GLB1L3: variants seen among roughly 807,000 people sequenced by gnomAD.
GLB1L3 encodes beta-galactosidase-1-like protein 3.
In GLB1L3, 89 loss-of-function variants were observed where a neutral mutation model predicts 89.5. The ratio of observed to expected loss-of-function variants is 0.99; its 90% CI spans 0.84 to 1.19. The LOEUF (loss-of-function observed/expected upper bound fraction) is 1.19, where lower values mean the gene tolerates loss of function less well. Ranked by LOEUF, GLB1L3 falls within the 50% of genes most tolerant of loss-of-function variation. The probability of loss-of-function intolerance (pLI) is 0.00; values close to 1 mark genes in which losing one functional copy is unlikely to be tolerated. For missense variants in GLB1L3, 812 were observed against 813.3 expected, an observed-to-expected ratio of 1.00 and a Z score of 0.02; for synonymous variants, 314 against 312.3, an observed-to-expected ratio of 1.01 and a Z score of -0.06.
intron 6 of GLB1L3, 42 bp downstream of exon 6, chr11:134,283,887 T>G (rs1305325781): frequency 1.7e-6 from 2 of 1,167,214 alleles, no homozygotes; most frequent in Non-Finnish European, 2.6e-6. Context: ...ACGTGCCCTT[T>G]AGGGAAAGAG....
intron 18 of GLB1L3, among the ~76,000 whole-genome samples, chr11:134,316,203 T>C (rs1475222535): frequency 6.6e-6 from 1 of 151,648 alleles, no homozygotes; most frequent in Non-Finnish European, 1.5e-5. Flanking sequence ...ATGACTCCCA[T>C]ACCTTTTTTT....
chr11:134,308,568 C>CCACCAT (rs1565414545), intron 10 of GLB1L3, among the ~76,000 whole-genome samples: 2 of 138,486 alleles, frequency 1.4e-5, no homozygotes, highest in South Asian at 2.3e-4. Context: ...ACCACCACCA[C>CCACCAT]CACCATCACC....
chr11:134,278,710 A>C (rs1419917448), intron 3 of GLB1L3, among the ~76,000 whole-genome samples: 2 of 152,350 alleles, frequency 1.3e-5, no homozygotes, highest in South Asian at 4.1e-4. Flanking sequence ...AGATGCTTAG[A>C]GGGCCCTGTG....
chr11:134,305,430 C>T (rs1942157698), intron 9 of GLB1L3: 1 of 330,594 alleles, frequency 3.0e-6, no homozygotes. Context: ...TGCTTTTGCG[C>T]TTCTTCCTCC....
chr11:134,279,259 T>C (rs1414982790), intron 3 of GLB1L3, among the ~76,000 whole-genome samples: 2 of 152,114 alleles, frequency 1.3e-5, no homozygotes, highest in Admixed American at 1.3e-4. Flanking sequence ...GGGGACGACA[T>C]AGCTCTTTGA....
intron 6 of GLB1L3, among the ~76,000 whole-genome samples, chr11:134,286,164 C>A (rs1259582733): frequency 1.3e-5 from 2 of 151,994 alleles, no homozygotes; most frequent in Non-Finnish European, 2.9e-5. Context: ...CTGCCTCGGC[C>A]TCCCAAAGGG....
At chr11:134,279,330 TCTTTC>T (rs1233387739) in intron 3 of GLB1L3, among the ~76,000 whole-genome samples, 3 of 151,716 alleles carry the variant, frequency 2.0e-5, no homozygotes, top group South Asian at 2.1e-4. Context: ...CCCCTTTTTT[TCTTTC>T]CTTTCTTTTT....
rs547486597 is a variant in GLB1L3, at chr11:134,304,268, C to T, written c.877-2856C>T. On this transcript the variant is annotated intron_variant, in intron 9 of 19. Coordinates refer to ENST00000431683, the MANE Select transcript of GLB1L3 (RefSeq NM_001080407.3). ...TTCTTCTGATTTATTTTCATATACACGAATTCTCTTTTCAGCTGTATCTAT... is the reference window on the plus strand; with the variant it reads ...TTCTTCTGATTTATTTTCATATACATGAATTCTCTTTTCAGCTGTATCTAT... Among the ~76,000 whole-genome samples, 27 of 152,188 alleles carry T rather than the reference C, an allele frequency of 1.8e-4. No individual in the cohort carries two copies. The East Asian group carries it at 2.1e-3, about 12-fold the overall frequency.
intron 6 of GLB1L3, among the ~76,000 whole-genome samples, chr11:134,287,869 C>G (rs1339486894): frequency 6.6e-6 from 1 of 152,230 alleles, no homozygotes; most frequent in Non-Finnish European, 1.5e-5. Flanking sequence ...CATGCCTCTT[C>G]TCCTTCCTTA....
At chr11:134,300,714 C>T (rs11819974) in intron 9 of GLB1L3, among the ~76,000 whole-genome samples, 2,358 of 152,270 alleles carry the variant, frequency 0.015, 68 homozygotes, top group African/African-American at 0.054. Flanking sequence ...TGGTCACCTT[C>T]TTAACGTGCC....
chr11:134,292,076 C>T, intron 7 of GLB1L3, 56 bp from the exon 8 acceptor site: 1 of 1,277,634 alleles, frequency 7.8e-7, no homozygotes, highest in Non-Finnish European at 1.1e-6. Context: ...GTATGTATTT[C>T]TTTTTTCCCA....
downstream of GLB1L3, among the ~76,000 whole-genome samples, chr11:134,321,161 T>TA (rs1943162657): frequency 6.6e-6 from 1 of 152,168 alleles, no homozygotes; most frequent in Non-Finnish European, 1.5e-5. Flanking sequence ...CATAAAACTC[T>TA]AAGACCAGGC....
downstream of GLB1L3, among the ~76,000 whole-genome samples, chr11:134,321,059 T>A (rs1031745850): frequency 6.6e-6 from 1 of 152,146 alleles, no homozygotes; most frequent in Admixed American, 6.6e-5. Context: ...GAACGTGGAA[T>A]CCAAGAAGGA....
chr11:134,293,343 C>T, intron 9 of GLB1L3, 134 bp downstream of exon 9: 1 of 720,698 alleles, frequency 1.4e-6, no homozygotes, highest in Admixed American at 2.8e-5. Context: ...CGGCAGGTTC[C>T]AAGCCATTTT....
intron 9 of GLB1L3, among the ~76,000 whole-genome samples, chr11:134,297,859 C>CAAA (rs34354899): frequency 5.9e-5 from 6 of 100,976 alleles, no homozygotes; most frequent in African/African-American, 2.2e-4. Context: ...GACTCTGTCT[C>CAAA]AAAAAAAAAA....
chr11:134,285,310 A>ACAGT (rs770861469), intron 6 of GLB1L3, among the ~76,000 whole-genome samples: 2 of 152,134 alleles, frequency 1.3e-5, no homozygotes, highest in Non-Finnish European at 2.9e-5. Flanking sequence ...CCTAGAGCAC[A>ACAGT]CAGTCAGGTC....
chr11:134,318,682 T>C lies in GLB1L3; in HGVS notation c.1831T>C (p.Trp611Arg). The C allele has an allele frequency of 6.2e-7, 1 of 1,613,180 alleles. No homozygotes were observed. Among genetic ancestry groups the C allele is most frequent in the Non-Finnish European group, 8.5e-7 (1 of 1,179,398 alleles). ...FINGRNLGRY[W>R]NIGPQKTLYL... ...CAATGGACGTAACCTTGGGCGATAT[T>C]GGAATATTGGGCCTCAGAAAACACT... is the stretch of plus-strand genomic sequence containing the variant. Residue 611 changes from tryptophan to arginine, a missense_variant, in exon 19 of 20, where the codon TGG (tryptophan) becomes CGG (arginine). Around this residue, in one of 3 missense-constraint regions of GLB1L3, gnomAD observed 618 missense variants for 604.0 expected, o/e 1.02. Coordinates refer to ENST00000431683, the MANE Select transcript of GLB1L3 (RefSeq NM_001080407.3).
chr11:134,309,850 C>A, intron 11 of GLB1L3, 87 bp downstream of exon 11: 1 of 1,459,838 alleles, frequency 6.9e-7, no homozygotes. Context: ...TCTGGCACCA[C>A]TGGGTTCTTG....
At chr11:134,290,296 T>C (rs571096617) in intron 7 of GLB1L3, among the ~76,000 whole-genome samples, 2 of 152,166 alleles carry the variant, frequency 1.3e-5, no homozygotes, top group Non-Finnish European at 2.9e-5. Flanking sequence ...TTACCGGCTG[T>C]GCTCAGTGGC....
Sources: gnomAD v4.1 joint callset for allele counts (sites outside exome capture counted in the v4.1 genomes callset) on GRCh38, gnomAD v4.1.1 for gene constraint, gnomAD v4.1.1 regional missense constraint, MANE v1.5 for transcripts, NCBI Gene and HGNC (gene_info 2026-07-23, HGNC 2026-07-21) for gene names.